LIPC: variants seen among roughly 807,000 people sequenced by gnomAD.
The protein encoded by LIPC is hepatic triacylglycerol lipase.
In LIPC, 44 loss-of-function variants were observed where a neutral mutation model predicts 50.7. That is an observed-to-expected ratio of 0.87 (90% CI 0.68 to 1.11). The LOEUF (loss-of-function observed/expected upper bound fraction) is 1.11, where lower values mean the gene tolerates loss of function less well. LIPC is among the 50% of genes most tolerant of loss of function. The pLI is 0.00. For missense variants in LIPC, 697 were observed against 648.2 expected (o/e 1.08, Z -0.82); for synonymous variants, 271 against 256.4 (o/e 1.06, Z -0.54).
At chr15:58,554,145 G>C (rs1893854257) in intron 6 of LIPC, among the ~76,000 whole-genome samples, 1 of 152,160 alleles carries the variant, frequency 6.6e-6, no homozygotes. Flanking sequence ...ACCTGATCTT[G>C]TGAAAAGAAA....
At chr15:58,508,728 T>G (rs1165552417) in intron 1 of LIPC, among the ~76,000 whole-genome samples, 1 of 57,694 alleles carries the variant, frequency 1.7e-5, no homozygotes, top group Non-Finnish European at 3.6e-5. Context: ...GTCCCAGTTT[T>G]TTTTTGGACA....
intron 1 of LIPC, among the ~76,000 whole-genome samples, chr15:58,518,241 A>C (rs1397404213): frequency 2.0e-5 from 3 of 152,220 alleles, no homozygotes; most frequent in Admixed American, 2.0e-4. Context: ...CCATGTTTCC[A>C]AATGCCCCAA....
intron 1 of LIPC, among the ~76,000 whole-genome samples, chr15:58,449,153 G>A (rs1254620522): frequency 6.6e-6 from 1 of 152,180 alleles, no homozygotes; most frequent in African/African-American, 2.4e-5. Flanking sequence ...CTTCCTAGAT[G>A]GCTACTCAGA....
chr15:58,562,612 C>T (rs930984162), intron 7 of LIPC, among the ~76,000 whole-genome samples: 1 of 152,014 alleles, frequency 6.6e-6, no homozygotes, highest in Non-Finnish European at 1.5e-5. Context: ...CCGAAAATTG[C>T]CCCCAGCTTT....
intron 4 of LIPC, among the ~76,000 whole-genome samples, chr15:58,545,436 G>A (rs1893487468): frequency 6.6e-6 from 1 of 152,056 alleles, no homozygotes; most frequent in African/African-American, 2.4e-5. Flanking sequence ...TTAGAGATGG[G>A]GTTTCACTAT....
At chr15:58,477,979 G>C (rs1258449502) in intron 1 of LIPC, among the ~76,000 whole-genome samples, 1 of 151,864 alleles carries the variant, frequency 6.6e-6, no homozygotes, top group Non-Finnish European at 1.5e-5. Flanking sequence ...CCAGCCAGGG[G>C]GACGTGCACC....
chr15:58,530,511 C>G (rs1892929410), intron 1 of LIPC, among the ~76,000 whole-genome samples: 1 of 152,380 alleles, frequency 6.6e-6, no homozygotes, highest in South Asian at 2.1e-4. Context: ...CAACCTGGAT[C>G]AAGGGCAATG....
At chr15:58,484,905 G>A (rs151186879) in intron 1 of LIPC, among the ~76,000 whole-genome samples, 52 of 152,348 alleles carry the variant, frequency 3.4e-4, no homozygotes, top group African/African-American at 1.0e-3. Flanking sequence ...GTTGCAAGCC[G>A]TGGTTCTGGG....
intron 5 of LIPC, among the ~76,000 whole-genome samples, 153 bp downstream of exon 5, chr15:58,546,128 G>A (rs1893521735): frequency 6.6e-6 from 1 of 152,212 alleles, no homozygotes; most frequent in Admixed American, 6.5e-5. Context: ...CAGAGAGAAG[G>A]AATGCTGGAG....
chr15:58,526,439 T>C (rs7167672), intron 1 of LIPC, among the ~76,000 whole-genome samples: 150,408 of 152,314 alleles, frequency 0.99, 74,294 homozygotes, highest in Middle Eastern at 1. Context: ...CTGGTGGAGG[T>C]AGGGACTCAG....
intron 2 of LIPC, among the ~76,000 whole-genome samples, chr15:58,539,960 C>T (rs1265822622): frequency 4.6e-5 from 7 of 152,214 alleles, no homozygotes; most frequent in African/African-American, 1.4e-4. Flanking sequence ...CGGGAGTTCC[C>T]GTGTGGCCCT....
chr15:58,458,432 G>A (rs575746836), intron 1 of LIPC, among the ~76,000 whole-genome samples: 22 of 152,282 alleles, frequency 1.4e-4, no homozygotes, highest in Admixed American at 1.4e-3. Context: ...TTTTCTTTAT[G>A]TTGGTGCATA....
chr15:58,546,193 C>T (rs76657845), intron 5 of LIPC, among the ~76,000 whole-genome samples: 29 of 152,358 alleles, frequency 1.9e-4, no homozygotes, highest in African/African-American at 5.0e-4. Context: ...GCCAACGCCA[C>T]GCCCTGAGGA....
intron 1 of LIPC, among the ~76,000 whole-genome samples, chr15:58,471,930 A>G (rs1252327725): frequency 6.6e-6 from 1 of 152,132 alleles, no homozygotes; most frequent in African/African-American, 2.4e-5. Flanking sequence ...CTTTGGGGCC[A>G]TAAAGGCATT....
chr15:58,542,283 A>G lies in LIPC; in HGVS notation c.457-251A>G, dbSNP rs1041697743. 1.4e-4 allele frequency among the ~76,000 whole-genome samples: 22 copies of G among 152,274 alleles called. 1 individual carries two copies. The highest frequency in any genetic ancestry group is 5.8e-4 in the East Asian group (3 of 5,176). ...AGCCCCCACACAAATGAGTGGGATC[A>G]CTTCTGTAGGGCATTAGTGTCCAGG... On this transcript the variant is annotated intron_variant, in intron 3 of 8. Transcript: ENST00000299022.
At chr15:58,538,714 C>T (rs191795959) in intron 2 of LIPC, among the ~76,000 whole-genome samples, 197 bp downstream of exon 2, 2 of 152,244 alleles carry the variant, frequency 1.3e-5, no homozygotes, top group Non-Finnish European at 2.9e-5. Context: ...GAGTAAGCAG[C>T]GTGAGAAAAT....
At position 58,538,533 on chromosome 15, in the gene LIPC, A is replaced by G. The variant is rs750116230; in HGVS notation, c.273+16A>G. ...CGGGTGGTCGGTAGGAAATGCTGACATGCCGTTTTTCTCTCCGATTTCACA... is the reference window on the plus strand; with the variant it reads ...CGGGTGGTCGGTAGGAAATGCTGACGTGCCGTTTTTCTCTCCGATTTCACA... On this transcript the variant is annotated intron_variant, in intron 2 of 8. Coordinates refer to ENST00000299022, the MANE Select transcript of LIPC (RefSeq NM_000236.3). The G allele has an allele frequency of 2.3e-5, 37 of 1,612,728 alleles. No homozygotes were observed. The Admixed American group carries it at 3.5e-4, about 15-fold the overall frequency.
At position 58,544,869 on chromosome 15, in the gene LIPC, G is replaced by A. The variant is rs116589263; in HGVS notation, c.575-873G>A. ...AAGACAGGGAAAAAAAACTTGGAGC[G>A]CATAAATACTCCCCAACCACAGTCA... On this transcript the variant is annotated intron_variant, in intron 4 of 8. Coordinates refer to ENST00000299022, the MANE Select transcript of LIPC (RefSeq NM_000236.3). Among the ~76,000 whole-genome samples, 482 of 152,208 alleles carry A rather than the reference G, an allele frequency of 3.2e-3. 2 individuals carry two copies. The highest frequency in any genetic ancestry group is 0.011 in the African/African-American group (460 of 41,560).
chr15:58,445,704 C>A (rs1193574284), intron 1 of LIPC, among the ~76,000 whole-genome samples: 1 of 152,190 alleles, frequency 6.6e-6, no homozygotes, highest in African/African-American at 2.4e-5. Flanking sequence ...TCCATCACTT[C>A]CCAGCACGTG....
Sources: allele counts gnomAD v4.1 joint callset (sites outside exome capture counted in the v4.1 genomes callset), GRCh38; gene constraint gnomAD v4.1.1; transcripts MANE v1.5; gene names NCBI Gene and HGNC (gene_info 2026-07-23, HGNC 2026-07-21).